TRPC1: variants seen among roughly 807,000 people sequenced by gnomAD.
The protein encoded by TRPC1 is short transient receptor potential channel 1.
Under a neutral mutation model 88.2 loss-of-function variants are expected in TRPC1, and 42 were observed. The ratio of observed to expected loss-of-function variants is 0.48; its 90% CI spans 0.37 to 0.62. The LOEUF (loss-of-function observed/expected upper bound fraction) is 0.62, where lower values mean the gene tolerates loss of function less well. Ranked by LOEUF, TRPC1 falls within the 20% of genes least tolerant of loss-of-function variation. The pLI is 0.00. For missense variants in TRPC1, 699 were observed against 957.3 expected, an observed-to-expected ratio of 0.73 and a Z score of 3.56; for synonymous variants, 288 against 331.8, an observed-to-expected ratio of 0.87 and a Z score of 1.43.
intron 9 of TRPC1, among the ~76,000 whole-genome samples, chr3:142,794,225 C>T (rs966418979): frequency 6.6e-6 from 1 of 151,984 alleles, no homozygotes; most frequent in African/African-American, 2.4e-5. Flanking sequence ...ATGCTTTAAT[C>T]AAGAGTCTAC....
chr3:142,750,749 G>A (rs1048202796), intron 4 of TRPC1, among the ~76,000 whole-genome samples: 1 of 152,116 alleles, frequency 6.6e-6, no homozygotes, highest in African/African-American at 2.4e-5. Flanking sequence ...AAAAGGATGA[G>A]TTCATGTCCT....
At chr3:142,764,140 A>G (rs113758308) in intron 4 of TRPC1, among the ~76,000 whole-genome samples, 1 of 150,492 alleles carries the variant, frequency 6.6e-6, no homozygotes, top group African/African-American at 2.5e-5. Context: ...TTGTCAACTG[A>G]TATATTTTTA....
intron 3 of TRPC1, among the ~76,000 whole-genome samples, chr3:142,746,200 A>G (rs937327222): frequency 2.0e-5 from 3 of 152,240 alleles, no homozygotes; most frequent in Non-Finnish European, 2.9e-5. Context: ...TAGCATTTCA[A>G]TGAATTCATT....
intron 2 of TRPC1, among the ~76,000 whole-genome samples, chr3:142,737,897 A>C (rs1023551444): frequency 1.3e-5 from 2 of 152,222 alleles, no homozygotes; most frequent in Non-Finnish European, 2.9e-5. Context: ...GAAGACTTCC[A>C]TCAAAATAGT....
intron 4 of TRPC1, among the ~76,000 whole-genome samples, chr3:142,775,388 G>T (rs1013016728): frequency 4.6e-5 from 7 of 152,302 alleles, no homozygotes; most frequent in Admixed American, 3.3e-4. Context: ...GGAGGCCGAG[G>T]TGGGTGGATC....
rs576975447 is a variant in TRPC1 at position 142,776,630 on chromosome 3, C to T, written c.633-1002C>T. On this transcript the variant is annotated intron_variant, in intron 4 of 12. Coordinates refer to ENST00000476941, the MANE Select transcript of TRPC1 (RefSeq NM_001251845.2). This position sits in a 1 kb window ranked among gnomAD's most constrained non-coding sequence, Gnocchi z 4.1. The stretch of plus-strand genomic sequence containing the variant: ...TATTAAAATATTTTTATGGTCTGGG[C>T]GCGGTGGCTCACGCCTGTAATCCCA... Among the ~76,000 whole-genome samples, 216 of 152,104 alleles carry T rather than the reference C, an allele frequency of 1.4e-3. No individual in the cohort carries two copies. The highest frequency in any genetic ancestry group is 3.2e-3 in the Admixed American group (49 of 15,288).
chr3:142,743,388 T>C, intron 2 of TRPC1, 97 bp from the exon 3 acceptor site: 1 of 977,812 alleles, frequency 1.0e-6, no homozygotes, highest in Non-Finnish European at 1.4e-6. Context: ...TATAATACAG[T>C]TTAAATTTTT....
At chr3:142,756,550 G>A (rs951816619) in intron 4 of TRPC1, among the ~76,000 whole-genome samples, 3 of 151,940 alleles carry the variant, frequency 2.0e-5, no homozygotes, top group East Asian at 3.9e-4. Context: ...TAGTAGAGAC[G>A]GGGTTTCACC....
intron 6 of TRPC1, among the ~76,000 whole-genome samples, chr3:142,783,195 T>C (rs1037856754): frequency 1.3e-5 from 2 of 152,176 alleles, no homozygotes; most frequent in Non-Finnish European, 2.9e-5. Flanking sequence ...TGTCATTGTA[T>C]AGAGGGATAG....
At chr3:142,800,637 C>G (rs890993691) in intron 9 of TRPC1, among the ~76,000 whole-genome samples, 2 of 151,980 alleles carry the variant, frequency 1.3e-5, no homozygotes, top group Non-Finnish European at 2.9e-5. Flanking sequence ...AATAATGAGG[C>G]CAGGCACGGT....
intron 9 of TRPC1, among the ~76,000 whole-genome samples, chr3:142,794,352 A>AT (rs1936390869): frequency 6.6e-6 from 1 of 152,020 alleles, no homozygotes; most frequent in Admixed American, 6.6e-5. Flanking sequence ...AGAAAGTATA[A>AT]TATTTTTTAG....
chr3:142,783,543 T>A (rs1304430072), intron 6 of TRPC1, among the ~76,000 whole-genome samples: 2 of 152,190 alleles, frequency 1.3e-5, no homozygotes, highest in Non-Finnish European at 2.9e-5. Context: ...TGAAGAATAT[T>A]CAAGTTTTGC....
At chr3:142,734,424 T>C (rs1464323474) in intron 1 of TRPC1, among the ~76,000 whole-genome samples, 1 of 151,084 alleles carries the variant, frequency 6.6e-6, no homozygotes, top group Non-Finnish European at 1.5e-5. Flanking sequence ...AATAAGTGAG[T>C]GGAAGAAATA....
At chr3:142,769,166 T>A (rs1025751079) in intron 4 of TRPC1, among the ~76,000 whole-genome samples, 1 of 152,196 alleles carries the variant, frequency 6.6e-6, no homozygotes, top group African/African-American at 2.4e-5. Flanking sequence ...TCACATACCA[T>A]ATAATTCACC....
chr3:142,764,965 C>T (rs1473365878), intron 4 of TRPC1, among the ~76,000 whole-genome samples: 1 of 151,776 alleles, frequency 6.6e-6, no homozygotes, highest in Non-Finnish European at 1.5e-5. Flanking sequence ...TGTCTTTTTT[C>T]TCCGCTGAAT....
At chr3:142,768,607 T>C (rs1935476035) in intron 4 of TRPC1, among the ~76,000 whole-genome samples, 2 of 152,146 alleles carry the variant, frequency 1.3e-5, no homozygotes, top group Admixed American at 1.3e-4. Flanking sequence ...GACAGATTTA[T>C]GTTTTTTATT....
intron 1 of TRPC1, among the ~76,000 whole-genome samples, chr3:142,734,325 A>T (rs1488463129): frequency 6.6e-6 from 1 of 152,220 alleles, no homozygotes; most frequent in East Asian, 1.9e-4. Flanking sequence ...AATCTGGTAA[A>T]ACTTATGCAA....
chr3:142,789,171 A>T (rs1380105846), intron 7 of TRPC1, among the ~76,000 whole-genome samples: 11 of 152,196 alleles, frequency 7.2e-5, no homozygotes, highest in Non-Finnish European at 1.3e-4. Flanking sequence ...CAGGATCTAG[A>T]ATTAGACAAT....
In TRPC1 at chr3:142,784,885, AC is replaced by A. The variant is rs1183091675; in HGVS notation, c.1143del (p.His381GlnfsTer5). The A allele has an allele frequency of 2.5e-5, 41 of 1,614,028 alleles. No homozygotes were observed. Among genetic ancestry groups the A allele is most frequent in the Non-Finnish European group, 3.3e-5 (39 of 1,180,024 alleles). ...APKSQFGRIIHTPFMKFIIHG... is the reference protein window; with the variant it reads ...APKSQFGRIIXTPFMKFIIHG... ...AAATCTCAGTTTGGCAGAATCATTC[AC>A]ACACCTTTTATGAAATTTATCATTC... On this transcript the variant is annotated frameshift_variant, in exon 7 of 13. Coordinates refer to ENST00000476941, the MANE Select transcript of TRPC1 (RefSeq NM_001251845.2). LOFTEE classifies it high-confidence loss of function.
Sources: allele counts gnomAD v4.1 joint callset (sites outside exome capture counted in the v4.1 genomes callset), GRCh38; gene constraint gnomAD v4.1.1; non-coding constraint Gnocchi (gnomAD v3.1); transcripts MANE v1.5; gene names NCBI Gene and HGNC (gene_info 2026-07-23, HGNC 2026-07-21).